Variants in PDE4D observed in about 807,000 individuals in gnomAD.
PDE4D encodes 3',5'-cyclic-AMP phosphodiesterase 4D.
Under a neutral mutation model 87.4 loss-of-function variants are expected in PDE4D, and 24 were observed. The observed-to-expected ratio is 0.27, with a 90% confidence interval of 0.20 to 0.39. PDE4D has a LOEUF of 0.39. Ranked by LOEUF, PDE4D falls within the 10% of genes least tolerant of loss-of-function variation. The probability of loss-of-function intolerance (pLI) is 1.00; values close to 1 mark genes in which losing one functional copy is unlikely to be tolerated. For missense variants in PDE4D, 714 were observed against 1,041.0 expected (o/e 0.69, Z 4.32); for synonymous variants, 384 against 383.2 (o/e 1.00, Z -0.02).
chr5:59,206,936 A>G (rs1210274545), intron 2 of PDE4D, among the ~76,000 whole-genome samples: 2 of 152,150 alleles, frequency 1.3e-5, no homozygotes, highest in Non-Finnish European at 2.9e-5. Context: ...TAATTTCAGC[A>G]CTTTGGGAAG....
At chr5:59,562,218 CTTT>C (rs1370602472) in intron 1 of PDE4D, among the ~76,000 whole-genome samples, 7 of 152,080 alleles carry the variant, frequency 4.6e-5, no homozygotes, top group Non-Finnish European at 1.0e-4. Context: ...ATTAGCCATT[CTTT>C]GGACATGCTC....
At chr5:59,213,680 A>T (rs994274143) in intron 2 of PDE4D, among the ~76,000 whole-genome samples, 1 of 151,916 alleles carries the variant, frequency 6.6e-6, no homozygotes, top group Non-Finnish European at 1.5e-5. Context: ...TCCACTTTCA[A>T]TTCACTCCTT....
rs375576999 is a variant in PDE4D, at chr5:60,193,730, A to C, written c.-89-8043T>G. Among the ~76,000 whole-genome samples, 6 of 151,146 alleles carry C rather than the reference A, an allele frequency of 4.0e-5. No individual in the cohort carries two copies. The East Asian group carries it at 1.2e-3, about 29-fold the overall frequency. On this transcript the variant is annotated intron_variant, in intron 1 of 16. Coordinates refer to the PDE4D transcript ENST00000502484. ...AAAAAAGAAAAGAAAAAGCTGTCAC[A>C]ATTTTCAAGAAAAATATTTTTAAAA...
chr5:60,071,715 T>C (rs965891214), intron 2 of PDE4D, among the ~76,000 whole-genome samples: 11 of 152,100 alleles, frequency 7.2e-5, no homozygotes, highest in Non-Finnish European at 4.4e-5. Flanking sequence ...GTTTCCATCT[T>C]TGTGTCCATG....
At chr5:60,421,160 T>C (rs1016746662) in intron 1 of PDE4D, among the ~76,000 whole-genome samples, 3 of 152,224 alleles carry the variant, frequency 2.0e-5, no homozygotes, top group Non-Finnish European at 4.4e-5. Context: ...CATCCCTGTC[T>C]GACAGCTCTG....
At chr5:60,216,372 C>T (rs1743851559) in intron 1 of PDE4D, among the ~76,000 whole-genome samples, 1 of 152,082 alleles carries the variant, frequency 6.6e-6, no homozygotes, top group Admixed American at 6.6e-5. Context: ...CTGCCCAGCA[C>T]CTTATTTCCC....
intron 3 of PDE4D, among the ~76,000 whole-genome samples, chr5:59,914,261 C>T (rs1339621589): frequency 6.6e-6 from 1 of 152,026 alleles, no homozygotes; most frequent in African/African-American, 2.4e-5. Context: ...ATAATAAGTT[C>T]TGTGGAGAAA....
intron 1 of PDE4D, among the ~76,000 whole-genome samples, chr5:59,842,772 A>C (rs1743214633): frequency 6.6e-6 from 1 of 152,068 alleles, no homozygotes; most frequent in South Asian, 2.1e-4. Flanking sequence ...TTAGTCTAAC[A>C]AAAGCTTTTT....
intron 2 of PDE4D, among the ~76,000 whole-genome samples, chr5:60,000,346 C>A (rs1460767972): frequency 6.6e-6 from 1 of 152,074 alleles, no homozygotes; most frequent in Admixed American, 6.6e-5. Flanking sequence ...GAGAAAATGG[C>A]TCATCATGTG....
intron 1 of PDE4D, among the ~76,000 whole-genome samples, chr5:59,804,416 CGTT>C (rs1211012077): frequency 6.6e-6 from 1 of 152,178 alleles, no homozygotes; most frequent in Non-Finnish European, 1.5e-5. Flanking sequence ...TTTATCCACT[CGTT>C]GGTCGATGGG....
At chr5:59,491,694 T>G (rs974517097) in intron 1 of PDE4D, among the ~76,000 whole-genome samples, 11 of 152,154 alleles carry the variant, frequency 7.2e-5, no homozygotes, top group African/African-American at 1.9e-4. Context: ...TCACACAGAT[T>G]CAAAAGAATC....
intron 1 of PDE4D, among the ~76,000 whole-genome samples, chr5:59,337,337 C>CTTTT: frequency 7.5e-6 from 1 of 133,026 alleles, no homozygotes; most frequent in African/African-American, 2.8e-5. Flanking sequence ...CCCCCCCCAC[C>CTTTT]TTTTTTTTTT....
At chr5:60,098,525 A>G (rs529112411) in intron 2 of PDE4D, among the ~76,000 whole-genome samples, 61 of 152,038 alleles carry the variant, frequency 4.0e-4, no homozygotes, top group African/African-American at 1.4e-3. Flanking sequence ...TCTGTATTTT[A>G]TTATTTTCAT....
At chr5:59,914,692 A>G (rs1753826670) in intron 3 of PDE4D, among the ~76,000 whole-genome samples, 1 of 151,986 alleles carries the variant, frequency 6.6e-6, no homozygotes, top group African/African-American at 2.4e-5. Context: ...TAAGAAGATC[A>G]TACTCTGGCT....
intron 1 of PDE4D, among the ~76,000 whole-genome samples, chr5:60,280,482 A>C (rs1751794352): frequency 6.6e-6 from 1 of 152,198 alleles, no homozygotes; most frequent in Non-Finnish European, 1.5e-5. Flanking sequence ...ACTTTTGCAG[A>C]ATAGAAATTA....
chr5:59,898,758 G>T (rs1279776199), intron 3 of PDE4D, among the ~76,000 whole-genome samples: 1 of 152,142 alleles, frequency 6.6e-6, no homozygotes, highest in African/African-American at 2.4e-5. Flanking sequence ...GCCTGATAAA[G>T]AATTACTTCT....
chr5:59,813,937 A>G (rs1652281383), intron 1 of PDE4D, among the ~76,000 whole-genome samples: 1 of 152,228 alleles, frequency 6.6e-6, no homozygotes, highest in Non-Finnish European at 1.5e-5. Context: ...AGTCTGAAAC[A>G]TGACAGAATG....
chr5:59,488,210 T>C (rs1407226225), intron 1 of PDE4D, among the ~76,000 whole-genome samples: 1 of 151,346 alleles, frequency 6.6e-6, no homozygotes, highest in Non-Finnish European at 1.5e-5. Flanking sequence ...TGAAGCAATG[T>C]AAAATATAAT....
intron 2 of PDE4D, among the ~76,000 whole-genome samples, chr5:60,168,779 G>C (rs1271491270): frequency 6.6e-6 from 1 of 152,084 alleles, no homozygotes; most frequent in African/African-American, 2.4e-5. Flanking sequence ...GCTTACTACA[G>C]ATGATTAAAA....
Sources: allele counts gnomAD v4.1 joint callset (sites outside exome capture counted in the v4.1 genomes callset), GRCh38; gene constraint gnomAD v4.1.1; transcripts MANE v1.5; gene names NCBI Gene and HGNC (gene_info 2026-07-23, HGNC 2026-07-21).